SRPK2: variants seen among roughly 807,000 people sequenced by gnomAD.
SRPK2 encodes the protein SFRS protein kinase 2.
SRPK2 carries 21 observed loss-of-function variants against 90.8 expected under a neutral mutation model. That is an observed-to-expected ratio of 0.23 (90% CI 0.16 to 0.33). The LOEUF is 0.33. Ranked by LOEUF, SRPK2 falls within the 10% of genes least tolerant of loss-of-function variation. SRPK2 has a pLI of 1.00. For synonymous variants in SRPK2, 288 were observed against 311.1 expected (o/e 0.93, Z 0.78); for missense variants, 620 against 869.0 (o/e 0.71, Z 3.60).
At chr7:105,378,303 G>C (rs965859106) in intron 2 of SRPK2, among the ~76,000 whole-genome samples, 1 of 152,018 alleles carries the variant, frequency 6.6e-6, no homozygotes, top group Non-Finnish European at 1.5e-5. Flanking sequence ...TGATTAGAAA[G>C]ATACATAACT....
At chr7:105,241,774 C>T (rs1800846037) in intron 2 of SRPK2, among the ~76,000 whole-genome samples, 1 of 152,124 alleles carries the variant, frequency 6.6e-6, no homozygotes, top group African/African-American at 2.4e-5. Context: ...GCCCAACTCT[C>T]ATCTTTCTCC....
chr7:105,158,412 G>A (rs570526777), intron 7 of SRPK2, among the ~76,000 whole-genome samples: 2 of 152,160 alleles, frequency 1.3e-5, no homozygotes, highest in East Asian at 3.9e-4. Flanking sequence ...GTGCCACCAC[G>A]CCTGGCTAAT....
At chr7:105,248,315 G>C (rs143473981) in intron 2 of SRPK2, among the ~76,000 whole-genome samples, 1 of 152,128 alleles carries the variant, frequency 6.6e-6, no homozygotes, top group East Asian at 1.9e-4. Context: ...ACTGGATTAG[G>C]GGTGGTGGCA....
intron 11 of SRPK2, among the ~76,000 whole-genome samples, chr7:105,140,761 G>C (rs1413674724): frequency 2.0e-5 from 3 of 151,572 alleles, no homozygotes; most frequent in Admixed American, 2.0e-4. Context: ...AGGAATTTGA[G>C]ACCAGCCTGA....
At chr7:105,300,254 C>CAA (rs35542004) in intron 2 of SRPK2, among the ~76,000 whole-genome samples, 31 of 76,246 alleles carry the variant, frequency 4.1e-4, no homozygotes, top group East Asian at 7.8e-4. Context: ...GACTCCATCT[C>CAA]AAAAAAAAAA....
chr7:105,316,981 T>G (rs1345045298), intron 2 of SRPK2, among the ~76,000 whole-genome samples: 1 of 152,238 alleles, frequency 6.6e-6, no homozygotes, highest in Non-Finnish European at 1.5e-5. Context: ...CCCACTCCTT[T>G]ATACCTGAAA....
At chr7:105,229,233 G>A (rs1799117315) in intron 2 of SRPK2, among the ~76,000 whole-genome samples, 1 of 152,158 alleles carries the variant, frequency 6.6e-6, no homozygotes, top group African/African-American at 2.4e-5. Flanking sequence ...GGAGGCCGTC[G>A]CGGGCAGATC....
chr7:105,297,517 G>A lies in SRPK2; in HGVS notation c.71+91131C>T, dbSNP rs142817642. On this transcript the variant is annotated intron_variant, in intron 2 of 15. Coordinates refer to ENST00000393651, the MANE Select transcript of SRPK2 (RefSeq NM_182692.3). Reference sequence around the variant, plus strand: ...ATGTATCAACATCCTACAGCCCATCGCCTTGGTTGTTCACTCCTATAAAAG... The same window carrying A: ...ATGTATCAACATCCTACAGCCCATCACCTTGGTTGTTCACTCCTATAAAAG... 252 of 984,984 alleles carry A rather than the reference G, an allele frequency of 2.6e-4. No individual in the cohort carries two copies. The African/African-American group carries it at 2.9e-3, about 11-fold the overall frequency. 61.0% of individuals were successfully genotyped at this position (984,984 alleles called of 1,614,324 possible).
intron 2 of SRPK2, among the ~76,000 whole-genome samples, chr7:105,344,036 T>A (rs565988104): frequency 3.3e-5 from 5 of 152,086 alleles, no homozygotes; most frequent in Middle Eastern, 3.4e-3. Context: ...AGTGCTGGGA[T>A]TATAGGTGCG....
At chr7:105,178,061 T>G (rs184909661) in intron 3 of SRPK2, among the ~76,000 whole-genome samples, 4 of 151,478 alleles carry the variant, frequency 2.6e-5, no homozygotes, top group African/African-American at 9.7e-5. Context: ...TCACAACACA[T>G]TCTTCCTAAG....
chr7:105,309,070 T>C (rs1251983570), intron 2 of SRPK2, among the ~76,000 whole-genome samples: 1 of 152,272 alleles, frequency 6.6e-6, no homozygotes, highest in Non-Finnish European at 1.5e-5. Flanking sequence ...TGGACCATAA[T>C]GTCTCCAAAA....
At chr7:105,388,460 C>G (rs933667722) in intron 2 of SRPK2, among the ~76,000 whole-genome samples, 188 bp downstream of exon 2, 5 of 147,210 alleles carry the variant, frequency 3.4e-5, no homozygotes, top group African/African-American at 1.2e-4. Context: ...GGCCGCGGCC[C>G]GCGCGCCCCT....
At chr7:105,307,592 G>C (rs1247524625) in intron 2 of SRPK2, among the ~76,000 whole-genome samples, 1 of 152,112 alleles carries the variant, frequency 6.6e-6, no homozygotes, top group African/African-American at 2.4e-5. Flanking sequence ...AATTAACAAA[G>C]ATATACCTCT....
At chr7:105,382,352 A>G (rs1464376266) in intron 2 of SRPK2, among the ~76,000 whole-genome samples, 1 of 151,616 alleles carries the variant, frequency 6.6e-6, no homozygotes, top group East Asian at 1.9e-4. Flanking sequence ...CAGGAGCTCG[A>G]GACCAGCCTG....
At chr7:105,183,210 G>A (rs1286587732) in intron 3 of SRPK2, among the ~76,000 whole-genome samples, 1 of 152,102 alleles carries the variant, frequency 6.6e-6, no homozygotes, top group Admixed American at 6.5e-5. Context: ...GTTTGTAGCT[G>A]TGTAAAAAAT....
chr7:105,314,261 G>C (rs545297753), intron 2 of SRPK2, among the ~76,000 whole-genome samples: 2 of 152,046 alleles, frequency 1.3e-5, no homozygotes, highest in Non-Finnish European at 2.9e-5. Flanking sequence ...GAACCCAGGA[G>C]GCAGAGGTTA....
At chr7:105,316,056 C>G (rs1191287556) in intron 2 of SRPK2, among the ~76,000 whole-genome samples, 1 of 142,166 alleles carries the variant, frequency 7.0e-6, no homozygotes, top group Non-Finnish European at 1.5e-5. Context: ...CTGAGTTTCG[C>G]TCTTGTCACC....
rs770574572 is a variant in SRPK2 at position 105,142,089 on chromosome 7, G to A, written c.1462C>T (p.Leu488Phe). 38 of 1,614,054 alleles carry A rather than the reference G, an allele frequency of 2.4e-5. 1 individual carries two copies. Among genetic ancestry groups the A allele is most frequent in the Non-Finnish European group, 3.1e-5 (36 of 1,180,012 alleles). The change falls in exon 11 of 16, where the codon CTT becomes TTT. Residue 488 changes from leucine to phenylalanine, a missense_variant. By Grantham distance (22) the Leu-to-Phe change is conservative. Transcript: ENST00000393651. ...GGACTGCTCTCCTCTTGCTCAGTAAGTGGTGATCCCTCAGAAAGCACAGAG... is the reference window on the plus strand; with the variant it reads ...GGACTGCTCTCCTCTTGCTCAGTAAATGGTGATCCCTCAGAAAGCACAGAG... ...CGSVLSEGSPLTEQEESSPSH... is the reference protein window; with the variant it reads ...CGSVLSEGSPFTEQEESSPSH...
At chr7:105,142,719 T>G (rs1584933980) in intron 10 of SRPK2, among the ~76,000 whole-genome samples, 1 of 152,348 alleles carries the variant, frequency 6.6e-6, no homozygotes, top group East Asian at 1.9e-4. Context: ...GGAAAATAAC[T>G]CTTTCTAAAT....
Sources: gnomAD v4.1 joint callset for allele counts (sites outside exome capture counted in the v4.1 genomes callset) on GRCh38, gnomAD v4.1.1 for gene constraint, MANE v1.5 for transcripts, NCBI Gene and HGNC (gene_info 2026-07-23, HGNC 2026-07-21) for gene names.